DENND6A: variants seen among roughly 807,000 people sequenced by gnomAD.
The protein encoded by DENND6A is DENN domain containing 6A.
DENND6A carries 43 observed loss-of-function variants against 95.5 expected under a neutral mutation model. That is an observed-to-expected ratio of 0.45 (90% CI 0.35 to 0.58). DENND6A has a LOEUF of 0.58. DENND6A is among the 20% of genes least tolerant of loss of function. DENND6A has a pLI of 0.00. For synonymous variants in DENND6A, 257 were observed against 260.4 expected (o/e 0.99, Z 0.13); for missense variants, 574 against 736.0 (o/e 0.78, Z 2.55).
At chr3:57,680,821 T>C (rs1168374406) in intron 1 of DENND6A, among the ~76,000 whole-genome samples, 1 of 152,190 alleles carries the variant, frequency 6.6e-6, no homozygotes, top group Non-Finnish European at 1.5e-5. Flanking sequence ...TAGCATTAGT[T>C]ATTAGGGAAA....
intron 12 of DENND6A, among the ~76,000 whole-genome samples, chr3:57,637,664 A>G (rs1036421021): frequency 1.3e-5 from 2 of 151,978 alleles, no homozygotes; most frequent in African/African-American, 4.8e-5. Flanking sequence ...AAGCAGAAAA[A>G]TACTCCAAGA....
At chr3:57,671,899 C>T (rs2071624009) in intron 3 of DENND6A, among the ~76,000 whole-genome samples, 1 of 152,164 alleles carries the variant, frequency 6.6e-6, no homozygotes, top group African/African-American at 2.4e-5. Context: ...ACTGCTTTTA[C>T]AGAGTTCCTG....
At chr3:57,631,049 TG>T in intron 15 of DENND6A, 71 bp from the exon 16 acceptor site, 1 of 1,458,954 alleles carries the variant, frequency 6.9e-7, no homozygotes, top group Non-Finnish European at 9.4e-7. Context: ...TTAAAAGGAA[TG>T]GGTCTTTTAA....
At chr3:57,656,248 A>T (rs2071323164) in intron 9 of DENND6A, among the ~76,000 whole-genome samples, 2 of 152,204 alleles carry the variant, frequency 1.3e-5, no homozygotes. Flanking sequence ...TATCTTTTCC[A>T]GAACATCATA....
In DENND6A at chr3:57,657,830, CCTGT is replaced by C. The variant is rs1405257818; in HGVS notation, c.763-99_763-96del. 17 of 714,884 alleles carry C rather than the reference CCTGT, an allele frequency of 2.4e-5. No homozygotes were observed. The East Asian group carries it at 4.3e-4, about 18-fold the overall frequency. The allele number at this position is 714,884 out of a possible 1,614,324, so 44.3% of individuals were successfully genotyped here. A position where few individuals can be genotyped will look rare whatever the true frequency, so the allele number is the denominator to read the frequency against. On this transcript the variant is annotated intron_variant, in intron 8 of 19. Transcript: ENST00000311128. ...TCTCATGATCAATAAGCCATGCTGCCCTGTCTAACTTTTAAGATTCTCTTCCTTT... is the reference window on the plus strand; with the variant it reads ...TCTCATGATCAATAAGCCATGCTGCCCTAACTTTTAAGATTCTCTTCCTTT...
chr3:57,683,046 T>C (rs1159012574), intron 1 of DENND6A, among the ~76,000 whole-genome samples: 1 of 152,234 alleles, frequency 6.6e-6, no homozygotes, highest in Non-Finnish European at 1.5e-5. Context: ...CTTCATCTAC[T>C]GATTAACATA....
chr3:57,646,262 A>C, intron 10 of DENND6A, 54 bp downstream of exon 10: 2 of 1,568,838 alleles, frequency 1.3e-6, no homozygotes, highest in Admixed American at 2.0e-5. Context: ...CCAACAGGTT[A>C]AGTACTGCAG....
chr3:57,682,318 C>G (rs537735301), intron 1 of DENND6A, among the ~76,000 whole-genome samples: 48 of 135,952 alleles, frequency 3.5e-4, no homozygotes, highest in African/African-American at 1.2e-3. Flanking sequence ...AAATTATATT[C>G]TGTTCTGTTC....
At chr3:57,682,035 T>C (rs1056014443) in intron 1 of DENND6A, among the ~76,000 whole-genome samples, 2 of 152,152 alleles carry the variant, frequency 1.3e-5, no homozygotes, top group East Asian at 1.9e-4. Context: ...ATTCAAACCA[T>C]AAAAAGGCAT....
At chr3:57,691,416 G>A (rs974111772) in intron 1 of DENND6A, among the ~76,000 whole-genome samples, 10 of 152,168 alleles carry the variant, frequency 6.6e-5, no homozygotes, top group Non-Finnish European at 1.2e-4. Flanking sequence ...ATTAATTCTT[G>A]GTTCTCCTCT....
At chr3:57,685,417 T>C (rs1011026999) in intron 1 of DENND6A, among the ~76,000 whole-genome samples, 3 of 152,210 alleles carry the variant, frequency 2.0e-5, no homozygotes, top group Non-Finnish European at 2.9e-5. Flanking sequence ...CAGAAGTGTT[T>C]TGGATCTCAG....
intron 1 of DENND6A, among the ~76,000 whole-genome samples, chr3:57,689,742 G>A (rs2077243668): frequency 1.3e-5 from 2 of 152,102 alleles, no homozygotes; most frequent in Admixed American, 6.6e-5. Context: ...CACTGAAGTG[G>A]CTAAAAACGT....
chr3:57,681,632 AAAAAAG>A (rs1306805872), intron 1 of DENND6A, among the ~76,000 whole-genome samples: 1 of 151,658 alleles, frequency 6.6e-6, no homozygotes, highest in Non-Finnish European at 1.5e-5. Flanking sequence ...AAAAAAAAAA[AAAAAAG>A]AAAGAAAGAA....
At chr3:57,692,673 G>A (rs113658787) in intron 1 of DENND6A, 109 bp downstream of exon 1, 3 of 1,041,220 alleles carry the variant, frequency 2.9e-6, no homozygotes, top group Middle Eastern at 3.1e-4. Flanking sequence ...GCCACGCCCG[G>A]ATGCGCCGCG....
At chr3:57,654,968 G>A (rs2153415021) in intron 9 of DENND6A, 1 of 223,666 alleles carries the variant, frequency 4.5e-6, no homozygotes, top group South Asian at 1.6e-4. Context: ...TTAAATGCTT[G>A]ATATAATACT....
chr3:57,642,313 CAAAAAA>C lies in DENND6A; in HGVS notation c.1038-572_1038-567del, dbSNP rs10681174. On this transcript the variant is annotated intron_variant, in intron 11 of 19. Coordinates refer to ENST00000311128, the MANE Select transcript of DENND6A (RefSeq NM_152678.3). ...TGGGCAGCAGAGTGAGACTCTGTCTCAAAAAAAAAAAAAAAAAAAAAGCATAATAAT... is the reference window on the plus strand; with the variant it reads ...TGGGCAGCAGAGTGAGACTCTGTCTCAAAAAAAAAAAAAAAGCATAATAAT... Among the ~76,000 whole-genome samples, 4 of 67,532 alleles carry C rather than the reference CAAAAAA, an allele frequency of 5.9e-5. No homozygotes were observed. In the South Asian group the frequency reaches 2.3e-3, roughly 38 times the overall value. 44.3% of individuals were successfully genotyped at this position (67,532 alleles called of 152,430 possible).
At chr3:57,629,221 C>T (rs1183893547) in intron 18 of DENND6A, among the ~76,000 whole-genome samples, 2 of 152,294 alleles carry the variant, frequency 1.3e-5, no homozygotes, top group South Asian at 2.1e-4. Flanking sequence ...TTATAAGGAA[C>T]ATTAGTTAAC....
At chr3:57,680,342 A>T (rs1313507567) in intron 1 of DENND6A, among the ~76,000 whole-genome samples, 1 of 152,230 alleles carries the variant, frequency 6.6e-6, no homozygotes, top group Non-Finnish European at 1.5e-5. Flanking sequence ...CAAAAACCCC[A>T]AGGTGATAGC....
At chr3:57,660,863 T>C in intron 6 of DENND6A, 24 bp from the exon 7 acceptor site, 1 of 1,549,932 alleles carries the variant, frequency 6.5e-7, no homozygotes, top group Non-Finnish European at 8.7e-7. Context: ...TAAAATATTT[T>C]CTTAGAATAA....
Sources: gnomAD v4.1 joint callset for allele counts (sites outside exome capture counted in the v4.1 genomes callset) on GRCh38, gnomAD v4.1.1 for gene constraint, MANE v1.5 for transcripts, NCBI Gene and HGNC (gene_info 2026-07-23, HGNC 2026-07-21) for gene names.